TMEM132C: variants seen among roughly 807,000 people sequenced by gnomAD.
TMEM132C encodes the protein protein phosphatase 1, regulatory subunit 152.
In TMEM132C, 29 loss-of-function variants were observed where a neutral mutation model predicts 61.4. That is an observed-to-expected ratio of 0.47 (90% CI 0.35 to 0.64). TMEM132C has a LOEUF of 0.64. Ranked by LOEUF, TMEM132C falls within the 30% of genes least tolerant of loss-of-function variation. The probability of loss-of-function intolerance (pLI) is 0.00; values close to 1 mark genes in which losing one functional copy is unlikely to be tolerated. For missense variants in TMEM132C, 1,408 were observed against 1,476.9 expected, an observed-to-expected ratio of 0.95 and a Z score of 0.76; for synonymous variants, 656 against 633.1, an observed-to-expected ratio of 1.04 and a Z score of -0.54.
intron 1 of TMEM132C, among the ~76,000 whole-genome samples, chr12:128,296,496 G>A (rs1033107826): frequency 1.3e-5 from 2 of 152,180 alleles, no homozygotes; most frequent in African/African-American, 4.8e-5. Context: ...AGAAGGAGTG[G>A]CCAGCTTTAC....
intron 2 of TMEM132C, among the ~76,000 whole-genome samples, chr12:128,423,287 C>A (rs890367985): frequency 1.3e-4 from 20 of 152,236 alleles, no homozygotes; most frequent in African/African-American, 4.6e-4. Context: ...GGTATGGGGA[C>A]CTCCTGGTTC....
At chr12:128,649,729 G>A (rs1954248966) in intron 4 of TMEM132C, among the ~76,000 whole-genome samples, 1 of 152,128 alleles carries the variant, frequency 6.6e-6, no homozygotes, top group Admixed American at 6.5e-5. Flanking sequence ...CAGGCAAGTT[G>A]GTGCCACTTA....
chr12:128,303,302 CTG>C (rs1230533979), intron 1 of TMEM132C, among the ~76,000 whole-genome samples: 1 of 152,214 alleles, frequency 6.6e-6, no homozygotes, highest in Non-Finnish European at 1.5e-5. Context: ...GTCTTCAGCA[CTG>C]TCTCAGGTTG....
At chr12:128,307,033 A>G (rs1871807404) in intron 1 of TMEM132C, among the ~76,000 whole-genome samples, 1 of 152,232 alleles carries the variant, frequency 6.6e-6, no homozygotes, top group Admixed American at 6.5e-5. Flanking sequence ...AGCTACATGA[A>G]GCCTTCCACC....
At chr12:128,692,722 G>T (rs1157768726) in intron 5 of TMEM132C, among the ~76,000 whole-genome samples, 1 of 152,182 alleles carries the variant, frequency 6.6e-6, no homozygotes, top group Non-Finnish European at 1.5e-5. Flanking sequence ...CTTCCTGCCT[G>T]CTTGAGAACA....
intron 3 of TMEM132C, among the ~76,000 whole-genome samples, chr12:128,610,688 A>G (rs1876602170): frequency 6.6e-6 from 1 of 152,232 alleles, no homozygotes; most frequent in Admixed American, 6.5e-5. Flanking sequence ...AAGCTTAGCA[A>G]ATATTTCAGT....
chr12:128,648,165 A>G (rs1954229033), intron 4 of TMEM132C, among the ~76,000 whole-genome samples: 1 of 151,364 alleles, frequency 6.6e-6, no homozygotes, highest in South Asian at 2.1e-4. Context: ...AGATGCCATC[A>G]ACGTTAAATA....
intron 1 of TMEM132C, among the ~76,000 whole-genome samples, chr12:128,384,708 A>G (rs1348203386): frequency 1.3e-5 from 2 of 152,204 alleles, no homozygotes; most frequent in Admixed American, 1.3e-4. Context: ...ATCAGGCCTC[A>G]TGCAGTGAGT....
At chr12:128,268,192 C>T (rs755907516) in intron 1 of TMEM132C, among the ~76,000 whole-genome samples, 9 of 152,240 alleles carry the variant, frequency 5.9e-5, no homozygotes, top group Non-Finnish European at 1.2e-4. Flanking sequence ...TCCGGGGCTC[C>T]TTCACCTCAG....
chr12:128,569,396 T>A (rs937217643), intron 3 of TMEM132C, among the ~76,000 whole-genome samples: 1 of 152,204 alleles, frequency 6.6e-6, no homozygotes, highest in Non-Finnish European at 1.5e-5. Context: ...GTATATTTTT[T>A]ACTCTGCCTT....
intron 3 of TMEM132C, among the ~76,000 whole-genome samples, chr12:128,589,038 C>A (rs752282729): frequency 2.6e-5 from 4 of 152,094 alleles, no homozygotes; most frequent in African/African-American, 9.7e-5. Flanking sequence ...GGACAGTCAG[C>A]GAGCCTGAAA....
chr12:128,346,606 A>T (rs1414803219), intron 1 of TMEM132C, among the ~76,000 whole-genome samples: 9 of 152,150 alleles, frequency 5.9e-5, no homozygotes, highest in Non-Finnish European at 1.2e-4. Context: ...CTTCTTATAG[A>T]GATCCTTCAT....
At chr12:128,271,552 A>G (rs887474567) in intron 1 of TMEM132C, among the ~76,000 whole-genome samples, 6 of 152,204 alleles carry the variant, frequency 3.9e-5, no homozygotes, top group African/African-American at 1.4e-4. Flanking sequence ...TAGGATTTCC[A>G]ACTTCTCTCA....
At chr12:128,517,066 C>CAA (rs1253841017) in intron 2 of TMEM132C, among the ~76,000 whole-genome samples, 9 of 107,858 alleles carry the variant, frequency 8.3e-5, no homozygotes, top group African/African-American at 1.9e-4. Context: ...GCTAAAAATA[C>CAA]AAAAAAAAAA....
chr12:128,574,956 C>T (rs1255563873), intron 3 of TMEM132C, among the ~76,000 whole-genome samples: 4 of 152,168 alleles, frequency 2.6e-5, no homozygotes, highest in Non-Finnish European at 5.9e-5. Context: ...AGGTGCAAAA[C>T]AGGCTATAGC....
chr12:128,617,889 A>G (rs1876865556), intron 4 of TMEM132C, among the ~76,000 whole-genome samples: 1 of 152,230 alleles, frequency 6.6e-6, no homozygotes, highest in Non-Finnish European at 1.5e-5. Flanking sequence ...ATTCCTTTTG[A>G]CTTTTTATGT....
At chr12:128,652,797 G>A (rs1243964537) in intron 4 of TMEM132C, among the ~76,000 whole-genome samples, 1 of 152,228 alleles carries the variant, frequency 6.6e-6, no homozygotes, top group Non-Finnish European at 1.5e-5. Flanking sequence ...GGAGGAAGGA[G>A]ATTCATAAAT....
At chr12:128,599,437 T>C (rs1876089433) in intron 3 of TMEM132C, among the ~76,000 whole-genome samples, 1 of 152,206 alleles carries the variant, frequency 6.6e-6, no homozygotes, top group South Asian at 2.1e-4. Context: ...GCAGCGATGA[T>C]GGCCAGGGCA....
chr12:128,521,309 A>G (rs1240346820), intron 2 of TMEM132C, among the ~76,000 whole-genome samples: 2 of 94,626 alleles, frequency 2.1e-5, no homozygotes, highest in African/African-American at 6.0e-5. Context: ...ATATATGTGT[A>G]TATATATATA....
Sources: allele counts gnomAD v4.1 joint callset (sites outside exome capture counted in the v4.1 genomes callset), GRCh38; gene constraint gnomAD v4.1.1; transcripts MANE v1.5; gene names NCBI Gene and HGNC (gene_info 2026-07-23, HGNC 2026-07-21).